BTK: variants seen among roughly 807,000 people sequenced by gnomAD.
The protein encoded by BTK is Bruton tyrosine kinase.
A neutral mutation model predicts 57.4 loss-of-function variants in BTK; 5 were observed. The observed-to-expected ratio is 0.09, with a 90% confidence interval of 0.05 to 0.18. BTK has a LOEUF of 0.18. BTK is among the 10% of genes least tolerant of loss of function. The pLI is 1.00. For missense variants in BTK, 194 were observed against 501.2 expected (o/e 0.39, Z 5.85); for synonymous variants, 154 against 174.3 (o/e 0.88, Z 0.92).
intron 5 of BTK, among the ~76,000 whole-genome samples, chrX:101,369,262 A>G (rs782161277): frequency 1.8e-5 from 2 of 112,485 alleles, no homozygotes; most frequent in South Asian, 7.3e-4. Context: ...ATGTGCTTTT[A>G]CATGTATTAT....
intron 18 of BTK, 52 bp from the exon 19 acceptor site, chrX:101,350,008 A>G: frequency 1.1e-6 from 1 of 943,625 alleles, no homozygotes; most frequent in Non-Finnish European, 1.5e-6. Context: ...CCAGAATTCA[A>G]GGGAAATGCA....
At chrX:101,390,796 A>G, upstream of BTK, 1 of 501,343 alleles carries the variant, frequency 2.0e-6, no homozygotes, top group Middle Eastern at 3.9e-4. Context: ...AAAGTGACGA[A>G]ACGTTGAAAG....
At chrX:101,387,906 G>A (rs1192474490), upstream of BTK, among the ~76,000 whole-genome samples, 3 of 103,700 alleles carry the variant, frequency 2.9e-5, no homozygotes, top group Non-Finnish European at 5.9e-5. Flanking sequence ...TTGCCCTGTC[G>A]CCCAGGCTGG....
Position 101,354,813 on chromosome X carries a change from C to T in BTK, c.1567-119G>A, listed in dbSNP as rs967998116. On this transcript the variant is annotated intron_variant, in intron 15 of 18. Coordinates refer to ENST00000308731, the MANE Select transcript of BTK (RefSeq NM_000061.3). Reference sequence around the variant, plus strand: ...GCTTCATCTCCTTCGACTACAGACACCTTCCCACCTAATAGGAATCTGTTG... The same window carrying T: ...GCTTCATCTCCTTCGACTACAGACATCTTCCCACCTAATAGGAATCTGTTG... 13 of 674,849 alleles carry T rather than the reference C, an allele frequency of 1.9e-5. No individual in the cohort carries two copies. In the Admixed American group the frequency reaches 2.7e-4, roughly 14 times the overall value. The allele number at this position is 674,849 out of a possible 1,213,427, so 55.6% of individuals were successfully genotyped here.
upstream of BTK, among the ~76,000 whole-genome samples, chrX:101,388,627 A>C (rs1252369281): frequency 8.9e-6 from 1 of 112,158 alleles, no homozygotes; most frequent in African/African-American, 3.2e-5. Context: ...AAATTCCACA[A>C]AGTGTATTTT....
chrX:101,367,843 G>C (rs1451171209), intron 5 of BTK, among the ~76,000 whole-genome samples: 1 of 110,918 alleles, frequency 9.0e-6, no homozygotes, highest in African/African-American at 3.3e-5. Flanking sequence ...TATCGATGTG[G>C]AGCCCAAGCT....
chrX:101,370,121 A>G, intron 4 of BTK, 42 bp from the exon 5 acceptor site: 1 of 1,035,156 alleles, frequency 9.7e-7, no homozygotes, highest in Non-Finnish European at 1.4e-6. Context: ...TAGGATTCAG[A>G]AAAAAGGAGA....
chrX:101,375,670 C>G (rs981668075), intron 1 of BTK, among the ~76,000 whole-genome samples: 8 of 112,608 alleles, frequency 7.1e-5, no homozygotes, highest in African/African-American at 1.9e-4. Flanking sequence ...CTGTGAAAAG[C>G]AAAAGTATCT....
chrX:101,357,598 G>C lies in BTK; in HGVS notation c.1103-15C>G. On this transcript the variant is annotated splice_polypyrimidine_tract_variant and intron_variant, in intron 12 of 18. Coordinates refer to ENST00000308731, the MANE Select transcript of BTK (RefSeq NM_000061.3). ...GGATATGAGTCCTGAAACAGAGAGA[G>C]AGGTCATGCTGTTGGTGTGGTGTAG... The C allele has an allele frequency of 8.4e-7, 1 of 1,193,339 alleles. No individual in the cohort carries two copies.
chrX:101,370,943 G>A (rs1365161741), intron 4 of BTK, among the ~76,000 whole-genome samples: 3 of 112,324 alleles, frequency 2.7e-5, no homozygotes, highest in Non-Finnish European at 3.8e-5. Context: ...TCAGGGACAC[G>A]AACAAGATCC....
intron 1 of BTK, among the ~76,000 whole-genome samples, chrX:101,375,666 A>G (rs1927188139): frequency 8.9e-6 from 1 of 112,708 alleles, no homozygotes; most frequent in South Asian, 3.6e-4. Context: ...GAATCTGTGA[A>G]AAGCAAAAGT....
At chrX:101,376,399 T>C (rs1927215549) in intron 1 of BTK, among the ~76,000 whole-genome samples, 3 of 111,826 alleles carry the variant, frequency 2.7e-5, no homozygotes, top group Non-Finnish European at 5.6e-5. Flanking sequence ...AGGCCGAGGC[T>C]GGCGGATCAC....
At chrX:101,370,312 G>A (rs1294180248) in intron 4 of BTK, among the ~76,000 whole-genome samples, 1 of 111,598 alleles carries the variant, frequency 9.0e-6, no homozygotes, top group Non-Finnish European at 1.9e-5. Flanking sequence ...ATACTCTTAG[G>A]TCCTCCTGAC....
intron 8 of BTK, among the ~76,000 whole-genome samples, 169 bp downstream of exon 8, chrX:101,360,399 T>A (rs1926623200): frequency 8.9e-6 from 1 of 111,972 alleles, no homozygotes; most frequent in African/African-American, 3.2e-5. Context: ...GCAGAGGCCA[T>A]GTATAGGGAG....
In BTK at chrX:101,372,844, G is replaced by T. The variant is rs781883840; in HGVS notation, c.241-1143C>A. 7.3e-3 allele frequency among the ~76,000 whole-genome samples: 787 copies of T among 107,783 alleles called. 8 individuals are homozygous for T. Among genetic ancestry groups the T allele is most frequent in the African/African-American group, 0.024 (728 of 29,883 alleles). 93.6% of individuals were successfully genotyped at this position (107,783 alleles called of 115,157 possible). On this transcript the variant is annotated intron_variant, in intron 3 of 18. Coordinates refer to ENST00000308731, the MANE Select transcript of BTK (RefSeq NM_000061.3). ...CACGCCTGTAATCCCAGCACTTTGG[G>T]AGGCCGAGGTGGGAGGATCACTTGA...
chrX:101,390,581 C>G (rs782551794), upstream of BTK: 19 of 512,445 alleles, frequency 3.7e-5, no homozygotes, highest in Admixed American at 2.7e-4. Flanking sequence ...TTGGCTCCCT[C>G]CAGGTCTTCA....
At chrX:101,376,390 G>A (rs1204701433) in intron 1 of BTK, among the ~76,000 whole-genome samples, 2 of 112,067 alleles carry the variant, frequency 1.8e-5, no homozygotes, top group Non-Finnish European at 3.8e-5. Flanking sequence ...CACTTTGGGA[G>A]GCCGAGGCTG....
intron 5 of BTK, among the ~76,000 whole-genome samples, chrX:101,366,204 A>C (rs2082547017): frequency 1.1e-5 from 1 of 89,904 alleles, no homozygotes; most frequent in Non-Finnish European, 2.1e-5. Flanking sequence ...CGCAGGAGGC[A>C]GAGTTTGCAG....
chrX:101,371,685 G>C lies in BTK; in HGVS notation c.257C>G (p.Ser86Cys), dbSNP rs1927037919. Reference sequence around the variant, plus strand: ...GATTGAAATTTGCTCCATTTCACTGGACTCTTCACCTCTTCTCTGTAATGA... The same window carrying C: ...GATTGAAATTTGCTCCATTTCACTGCACTCTTCACCTCTTCTCTGTAATGA... ...ERQIPRRGEESSEMEQISIIE... is the reference protein window; with the variant it reads ...ERQIPRRGEECSEMEQISIIE... The change falls in exon 4 of 19, where the codon TCC becomes TGC. Residue 86 changes from serine to cysteine, a missense_variant. Ser to Cys is a moderately radical substitution (Grantham distance 112). Around this residue, in one of 3 missense-constraint regions of BTK, gnomAD observed 115 missense variants for 258.3 expected, o/e 0.45. Coordinates refer to ENST00000308731, the MANE Select transcript of BTK (RefSeq NM_000061.3). 1 of 1,206,719 alleles carries C rather than the reference G, an allele frequency of 8.3e-7. No homozygotes were observed. Among genetic ancestry groups the C allele is most frequent in the African/African-American group, 1.7e-5 (1 of 57,728 alleles).
Sources: gnomAD v4.1 joint callset for allele counts (sites outside exome capture counted in the v4.1 genomes callset) on GRCh38, gnomAD v4.1.1 for gene constraint, gnomAD v4.1.1 regional missense constraint, MANE v1.5 for transcripts, NCBI Gene and HGNC (gene_info 2026-07-23, HGNC 2026-07-21) for gene names.